CCDC66: variants seen among roughly 807,000 people sequenced by gnomAD.
CCDC66 encodes coiled-coil domain containing 66.
A neutral mutation model predicts 128.3 loss-of-function variants in CCDC66; 133 were observed. The ratio of observed to expected loss-of-function variants is 1.04; its 90% CI spans 0.90 to 1.20. The LOEUF is 1.20. CCDC66 is among the 50% of genes most tolerant of loss of function. The pLI is 0.00. For missense variants in CCDC66, 1,126 were observed against 1,075.5 expected (o/e 1.05, Z -0.66); for synonymous variants, 387 against 357.0 (o/e 1.08, Z -0.95).
intron 7 of CCDC66, among the ~76,000 whole-genome samples, chr3:56,584,086 A>T (rs1331933081): frequency 7.8e-6 from 1 of 127,928 alleles, no homozygotes; most frequent in African/African-American, 2.9e-5. Context: ...TCCCTCCCGG[A>T]CGGGGCGGCT....
chr3:56,594,892 T>G (rs1224640995), intron 10 of CCDC66, among the ~76,000 whole-genome samples: 1 of 152,194 alleles, frequency 6.6e-6, no homozygotes. Context: ...ACAGGCACTA[T>G]GCTAAGCACT....
chr3:56,577,356 CT>C (rs2067555859), intron 7 of CCDC66, among the ~76,000 whole-genome samples: 2 of 151,636 alleles, frequency 1.3e-5, no homozygotes, highest in African/African-American at 4.8e-5. Context: ...CAAAATTTTT[CT>C]CCCATTCTGT....
At chr3:56,571,108 A>G (rs2066554732) in intron 6 of CCDC66, 73 bp from the exon 7 acceptor site, 2 of 1,116,978 alleles carry the variant, frequency 1.8e-6, no homozygotes, top group South Asian at 3.2e-5. Flanking sequence ...CTGCATTAAG[A>G]AGGTCAGATT....
At chr3:56,621,331 G>A (rs2076577819) in intron 17 of CCDC66, 1 of 384,330 alleles carries the variant, frequency 2.6e-6, no homozygotes, top group Admixed American at 4.2e-5. Flanking sequence ...TGATTTTTAT[G>A]CTAAAAACAG....
At chr3:56,616,974 T>TAG in intron 13 of CCDC66, 138 bp from the exon 14 acceptor site, 1 of 671,552 alleles carries the variant, frequency 1.5e-6, no homozygotes, top group Non-Finnish European at 2.4e-6. Context: ...TTAATGAGTA[T>TAG]AGAGGTTCGG....
chr3:56,579,904 T>C (rs2068041077), intron 7 of CCDC66, among the ~76,000 whole-genome samples: 1 of 151,764 alleles, frequency 6.6e-6, no homozygotes. Flanking sequence ...GGGTGGAGAG[T>C]TCTGTAGATG....
chr3:56,559,538 A>G, intron 2 of CCDC66, 31 bp from the exon 3 acceptor site: 2 of 1,452,370 alleles, frequency 1.4e-6, no homozygotes, highest in Non-Finnish European at 9.3e-7. Flanking sequence ...CTTTTGGTGG[A>G]TAGTTTAGTA....
At position 56,580,909 on chromosome 3, in the gene CCDC66, G is replaced by T. The variant is rs201025642; in HGVS notation, c.936+9607G>T. 2.6e-4 allele frequency among the ~76,000 whole-genome samples: 39 copies of T among 151,860 alleles called. 1 individual carries two copies. The highest frequency in any genetic ancestry group is 1.2e-3 in the East Asian group (6 of 5,044). On this transcript the variant is annotated intron_variant, in intron 7 of 17. Transcript: ENST00000394672. ...GTCTTGGGGTTGCTCTTCTTGAGGA[G>T]TATCTTTGTGGTGTTCTCTGTATTT...
At chr3:56,564,475 C>G (rs78446869) in intron 4 of CCDC66, among the ~76,000 whole-genome samples, 3,920 of 152,264 alleles carry the variant, frequency 0.026, 94 homozygotes, top group African/African-American at 0.06. Context: ...TACGGTATTT[C>G]CAGTGAAAAT....
Position 56,592,934 on chromosome 3 carries a change from A to C in CCDC66, c.937-36A>C, listed in dbSNP as rs202031798. The stretch of plus-strand genomic sequence containing the variant: ...CATATTAAGTGATTAGAAAAAGAGA[A>C]CTGAACTTTAGATGGCTTTTATGGC... On this transcript the variant is annotated intron_variant, in intron 7 of 17. Coordinates refer to ENST00000394672, the MANE Select transcript of CCDC66 (RefSeq NM_001141947.3). The C allele has an allele frequency of 3.9e-4, 626 of 1,593,580 alleles. 1 individual carries two copies. Among genetic ancestry groups the C allele is most frequent in the Non-Finnish European group, 5.1e-4 (602 of 1,174,780 alleles).
chr3:56,616,146 T>A, intron 13 of CCDC66, 93 bp downstream of exon 13: 1 of 1,210,308 alleles, frequency 8.3e-7, no homozygotes, highest in Non-Finnish European at 1.2e-6. Context: ...GTTCAAAAAT[T>A]AACAAAACTT....
At chr3:56,580,087 G>A (rs1202366504) in intron 7 of CCDC66, among the ~76,000 whole-genome samples, 25 of 151,906 alleles carry the variant, frequency 1.6e-4, no homozygotes, top group African/African-American at 5.8e-4. Flanking sequence ...ATGAATCTGG[G>A]TGCTCCTGTA....
intron 1 of CCDC66, among the ~76,000 whole-genome samples, chr3:56,557,507 A>T (rs2064479756): frequency 6.6e-6 from 1 of 152,142 alleles, no homozygotes; most frequent in South Asian, 2.1e-4. Context: ...TCGGTCCCTT[A>T]TTTACCTCAG....
At position 56,595,988 on chromosome 3, in the gene CCDC66, C is replaced by T. The variant is rs569639432; in HGVS notation, c.1404+1960C>T. On this transcript the variant is annotated intron_variant, in intron 10 of 17. Coordinates refer to ENST00000394672, the MANE Select transcript of CCDC66 (RefSeq NM_001141947.3). ...GGTATGCAGTGGCATAATCATGGCTCACTGTAGCCTCATACCCCTGGGCTC... is the reference window on the plus strand; with the variant it reads ...GGTATGCAGTGGCATAATCATGGCTTACTGTAGCCTCATACCCCTGGGCTC... 3.9e-5 allele frequency among the ~76,000 whole-genome samples: 6 copies of T among 152,336 alleles called. No individual in the cohort carries two copies. In the East Asian group the frequency reaches 9.6e-4, roughly 24 times the overall value.
intron 12 of CCDC66, among the ~76,000 whole-genome samples, chr3:56,615,658 A>C (rs2075399483): frequency 6.6e-6 from 1 of 152,206 alleles, no homozygotes; most frequent in Non-Finnish European, 1.5e-5. Context: ...AATTGCAATA[A>C]AAGCAGAACT....
chr3:56,580,814 C>T (rs551191206), intron 7 of CCDC66, among the ~76,000 whole-genome samples: 111 of 151,946 alleles, frequency 7.3e-4, no homozygotes, highest in African/African-American at 2.6e-3. Flanking sequence ...TGTGGGTAAC[C>T]TGACCTTTCT....
intron 7 of CCDC66, among the ~76,000 whole-genome samples, chr3:56,589,820 CA>C (rs1051305650): frequency 6.6e-6 from 1 of 152,114 alleles, no homozygotes; most frequent in Admixed American, 6.5e-5. Flanking sequence ...ACTAATTAGA[CA>C]ACCCAATTTT....
chr3:56,621,275 C>A, intron 17 of CCDC66: 1 of 282,262 alleles, frequency 3.5e-6, no homozygotes, highest in Non-Finnish European at 6.6e-6. Flanking sequence ...TTCATTTACC[C>A]CCATAGTTAT....
At chr3:56,567,099 A>G (rs2065958477) in intron 6 of CCDC66, 46 bp downstream of exon 6, 3 of 1,450,316 alleles carry the variant, frequency 2.1e-6, no homozygotes, top group Non-Finnish European at 2.9e-6. Context: ...GGCTTAAAGA[A>G]TATGTATTGA....
Sources: gnomAD v4.1 joint callset for allele counts (sites outside exome capture counted in the v4.1 genomes callset) on GRCh38, gnomAD v4.1.1 for gene constraint, MANE v1.5 for transcripts, NCBI Gene and HGNC (gene_info 2026-07-23, HGNC 2026-07-21) for gene names.